RBFOX1: variants seen among roughly 807,000 people sequenced by gnomAD.
RBFOX1 encodes RNA binding fox-1 homolog 1.
In RBFOX1, 8 loss-of-function variants were observed where a neutral mutation model predicts 57.7. The ratio of observed to expected loss-of-function variants is 0.14; its 90% CI spans 0.08 to 0.25. The LOEUF is 0.25. RBFOX1 is among the 10% of genes least tolerant of loss of function. The pLI is 1.00. For synonymous variants in RBFOX1, 326 were observed against 222.4 expected (o/e 1.47, Z -4.15); for missense variants, 611 against 548.5 (o/e 1.11, Z -1.14).
At chr16:6,939,019 T>C (rs2077859195) in intron 3 of RBFOX1, among the ~76,000 whole-genome samples, 1 of 152,166 alleles carries the variant, frequency 6.6e-6, no homozygotes, top group Non-Finnish European at 1.5e-5. Flanking sequence ...TCCTTAGAGA[T>C]CTGCCTTGAC....
At chr16:6,401,693 C>G (rs995606775) in intron 2 of RBFOX1, among the ~76,000 whole-genome samples, 1 of 152,088 alleles carries the variant, frequency 6.6e-6, no homozygotes, top group Non-Finnish European at 1.5e-5. Context: ...CAGAGTGACT[C>G]CATTGTTCTT....
At chr16:6,017,373 C>G (rs2095001128), upstream of RBFOX1, among the ~76,000 whole-genome samples, 1 of 152,204 alleles carries the variant, frequency 6.6e-6, no homozygotes, top group African/African-American at 2.4e-5. Context: ...TACAACCCAT[C>G]TCATCTCCCT....
At chr16:5,523,593 G>C (rs1372946136) in intron 2 of RBFOX1, among the ~76,000 whole-genome samples, 5 of 151,928 alleles carry the variant, frequency 3.3e-5, no homozygotes, top group African/African-American at 9.7e-5. Context: ...CTGCAGCCTG[G>C]ATGACAAAGT....
chr16:7,447,814 G>A (rs150529560), intron 4 of RBFOX1, among the ~76,000 whole-genome samples: 1 of 152,372 alleles, frequency 6.6e-6, no homozygotes, highest in East Asian at 1.9e-4. Context: ...GAAAGCAGGA[G>A]TGGAATGTAG....
intron 3 of RBFOX1, among the ~76,000 whole-genome samples, chr16:5,726,227 C>T (rs188298384): frequency 8.6e-5 from 13 of 151,918 alleles, no homozygotes; most frequent in Admixed American, 7.2e-4. Context: ...CAGATGCCTC[C>T]CCGAAATGCA....
intron 2 of RBFOX1, among the ~76,000 whole-genome samples, chr16:5,542,341 C>T (rs938620407): frequency 8.0e-5 from 12 of 150,742 alleles, no homozygotes; most frequent in South Asian, 2.1e-4. Context: ...CTCTGCCTCC[C>T]GGGTTCAAGC....
intron 3 of RBFOX1, among the ~76,000 whole-genome samples, chr16:7,023,812 G>C (rs1422613726): frequency 6.6e-6 from 1 of 151,982 alleles, no homozygotes; most frequent in Non-Finnish European, 1.5e-5. Context: ...CTCTGGAGTA[G>C]GCTGCCATTT....
intron 10 of RBFOX1, among the ~76,000 whole-genome samples, chr16:7,625,271 T>G (rs1223380493): frequency 6.6e-6 from 1 of 152,144 alleles, no homozygotes; most frequent in African/African-American, 2.4e-5. Flanking sequence ...CCACATTGAG[T>G]GAACCCTGTT....
chr16:6,411,636 A>T (rs1400935745), intron 2 of RBFOX1, among the ~76,000 whole-genome samples: 2 of 152,228 alleles, frequency 1.3e-5, no homozygotes, highest in Non-Finnish European at 2.9e-5. Flanking sequence ...GATGCTATTT[A>T]TGAGTTAAAA....
At chr16:5,583,717 A>G (rs1225886298) in intron 2 of RBFOX1, among the ~76,000 whole-genome samples, 3 of 151,988 alleles carry the variant, frequency 2.0e-5, no homozygotes, top group African/African-American at 4.8e-5. Context: ...GGCTTTTAGG[A>G]TTGTCTCATT....
chr16:6,896,410 C>T (rs907461978), intron 3 of RBFOX1, among the ~76,000 whole-genome samples: 2 of 152,052 alleles, frequency 1.3e-5, no homozygotes, highest in Admixed American at 1.3e-4. Flanking sequence ...ACTCATCAAC[C>T]ATCCCTACTT....
intron 2 of RBFOX1, among the ~76,000 whole-genome samples, chr16:5,582,277 C>A (rs545666010): frequency 6.6e-6 from 1 of 152,106 alleles, no homozygotes; most frequent in Non-Finnish European, 1.5e-5. Flanking sequence ...GCTGCACGGG[C>A]CTTCACAGCA....
intron 3 of RBFOX1, among the ~76,000 whole-genome samples, chr16:5,824,468 C>A (rs1041286828): frequency 6.6e-6 from 1 of 152,198 alleles, no homozygotes; most frequent in Non-Finnish European, 1.5e-5. Context: ...AGGGCACATT[C>A]CCAGGGCCCC....
chr16:6,661,374 T>C (rs574222881), intron 3 of RBFOX1, among the ~76,000 whole-genome samples: 18 of 152,228 alleles, frequency 1.2e-4, no homozygotes, highest in African/African-American at 4.3e-4. Flanking sequence ...ATGGTATGTT[T>C]ATGGCGAATG....
intron 2 of RBFOX1, among the ~76,000 whole-genome samples, chr16:5,514,130 T>C (rs1244835616): frequency 6.6e-6 from 1 of 152,160 alleles, no homozygotes; most frequent in African/African-American, 2.4e-5. Context: ...CCCAAAACTT[T>C]ATGGTTCCAA....
At chr16:6,837,253 C>T (rs151275939) in intron 3 of RBFOX1, among the ~76,000 whole-genome samples, 2 of 152,324 alleles carry the variant, frequency 1.3e-5, no homozygotes, top group African/African-American at 2.4e-5. Flanking sequence ...ATATTGCTCT[C>T]TCATCTGAGC....
chr16:7,058,195 T>G (rs976474623), intron 4 of RBFOX1, among the ~76,000 whole-genome samples: 1 of 152,038 alleles, frequency 6.6e-6, no homozygotes, highest in African/African-American at 2.4e-5. Context: ...CACTAACTCA[T>G]TAAGAAAGGG....
chr16:6,450,775 A>ATATATACATATATATG (rs1567302703), intron 2 of RBFOX1, among the ~76,000 whole-genome samples: 1 of 35,196 alleles, frequency 2.8e-5, no homozygotes, highest in African/African-American at 1.5e-4. Context: ...GTGTATATAT[A>ATATATACATATATATG]TATATATATA....
At chr16:6,151,259 T>C (rs1272516878) in intron 1 of RBFOX1, among the ~76,000 whole-genome samples, 1 of 152,214 alleles carries the variant, frequency 6.6e-6, no homozygotes, top group African/African-American at 2.4e-5. Context: ...TTTTCAGGAA[T>C]TGCATAATTC....
Sources: gnomAD v4.1 joint callset for allele counts (sites outside exome capture counted in the v4.1 genomes callset) on GRCh38, gnomAD v4.1.1 for gene constraint, MANE v1.5 for transcripts, NCBI Gene and HGNC (gene_info 2026-07-23, HGNC 2026-07-21) for gene names.